GRIN2C: variants seen among roughly 807,000 people sequenced by gnomAD.
GRIN2C encodes the protein glutamate ionotropic receptor NMDA type subunit 2C.
A neutral mutation model predicts 77.7 loss-of-function variants in GRIN2C; 64 were observed. The observed-to-expected ratio is 0.82, with a 90% CI of 0.67 to 1.01. GRIN2C has a LOEUF of 1.01. GRIN2C is among the 50% of genes least tolerant of loss of function. The pLI is 0.00. For missense variants in GRIN2C, 1,549 were observed against 1,486.0 expected (o/e 1.04, Z -0.70); for synonymous variants, 792 against 643.4 (o/e 1.23, Z -3.49).
chr17:74,851,905 G>T, intron 3 of GRIN2C, 108 bp downstream of exon 3: 1 of 837,182 alleles, frequency 1.2e-6, no homozygotes, highest in Non-Finnish European at 1.8e-6. Context: ...TGTGGCCCCA[G>T]GCACGCAGCT....
Position 74,850,403 on chromosome 17 carries a change from G to T in GRIN2C, c.1326-32C>A, listed in dbSNP as rs1268462297. ...CCATGCCGCCATGAGACCACCGGGA[G>T]TCAGAGTATGTCGTGGCCCAGCCCC... On this transcript the variant is annotated intron_variant, in intron 5 of 12. Transcript: ENST00000293190. This position sits in a 1 kb window ranked among gnomAD's most constrained non-coding sequence, Gnocchi z 5.3. The T allele has an allele frequency of 6.2e-7, 1 of 1,602,604 alleles. No homozygotes were observed. The highest frequency in any genetic ancestry group is 8.5e-7 in the Non-Finnish European group (1 of 1,178,358).
Position 74,844,520 on chromosome 17 carries a change from G to A in GRIN2C, c.2351-12C>T. On this transcript the variant is annotated splice_polypyrimidine_tract_variant and intron_variant, in intron 11 of 12. Transcript: ENST00000293190. Reference sequence around the variant, plus strand: ...TTTCTGTGTCTCTCCTGGAGTTGGGGGGTGTACACATCTGGCTCAGGAAAC... The same window carrying A: ...TTTCTGTGTCTCTCCTGGAGTTGGGAGGTGTACACATCTGGCTCAGGAAAC... The A allele has an allele frequency of 1.2e-6, 2 of 1,612,168 alleles. No individual in the cohort carries two copies. The highest frequency in any genetic ancestry group is 1.7e-6 in the Non-Finnish European group (2 of 1,178,410).
upstream of GRIN2C, among the ~76,000 whole-genome samples, chr17:74,861,204 CTCT>C (rs1185098185): frequency 3.9e-5 from 6 of 152,164 alleles, no homozygotes; most frequent in South Asian, 2.1e-4. Flanking sequence ...TCTGCTCGGC[CTCT>C]TCTTCGCCTT....
intron 2 of GRIN2C, chr17:74,853,188 C>G (rs1375333839): frequency 2.0e-5 from 3 of 152,218 alleles, no homozygotes; most frequent in African/African-American, 7.2e-5. Flanking sequence ...CACAAAAACC[C>G]AAGGCACTGC....
chr17:74,846,289 A>G lies in GRIN2C; in HGVS notation c.2163-36T>C, dbSNP rs756028991. Reference sequence around the variant, plus strand: ...GCTGAGCCTCAGAGCTAGGGACCATATGGGAGGGGAGGGGACACCGAAACT... The same window carrying G: ...GCTGAGCCTCAGAGCTAGGGACCATGTGGGAGGGGAGGGGACACCGAAACT... On this transcript the variant is annotated intron_variant, in intron 10 of 12. Transcript: ENST00000293190. The surrounding 1 kb of genome is among the most constrained non-coding windows in gnomAD (Gnocchi z 4.4). The G allele has an allele frequency of 6.3e-7, 1 of 1,589,872 alleles. No individual in the cohort carries two copies. The highest frequency in any genetic ancestry group is 8.6e-7 in the Non-Finnish European group (1 of 1,159,176).
intron 11 of GRIN2C, 92 bp downstream of exon 11, chr17:74,845,974 C>T (rs2037442009): frequency 1.6e-6 from 2 of 1,220,066 alleles, no homozygotes; most frequent in Non-Finnish European, 1.2e-6. Flanking sequence ...TCTCCCTGCT[C>T]ACAGGCCTTG....
In GRIN2C at chr17:74,850,455, C is replaced by G. The variant is rs1024945490; in HGVS notation, c.1326-84G>C. ...CCCCAGCCACTCCTCCAGCCTGGCA[C>G]GTGGACCCCTGCCCCACACCCAAGC... On this transcript the variant is annotated intron_variant, in intron 5 of 12. Transcript: ENST00000293190. This position sits in a 1 kb window ranked among gnomAD's most constrained non-coding sequence, Gnocchi z 5.3. The G allele has an allele frequency of 1.9e-6, 3 of 1,564,916 alleles. No homozygotes were observed. Among genetic ancestry groups the G allele is most frequent in the Admixed American group, 3.3e-5 (2 of 59,806 alleles).
intron 11 of GRIN2C, among the ~76,000 whole-genome samples, chr17:74,845,508 G>A (rs568034113): frequency 6.6e-6 from 1 of 150,726 alleles, no homozygotes; most frequent in Admixed American, 6.6e-5. Flanking sequence ...GACTTCAAGT[G>A]ATCCTCCCAC....
At chr17:74,848,954 G>A (rs936099928) in intron 7 of GRIN2C, among the ~76,000 whole-genome samples, 1 of 151,814 alleles carries the variant, frequency 6.6e-6, no homozygotes, top group Admixed American at 6.6e-5. Flanking sequence ...GAGTTTCCAG[G>A]CTGTAGTGAG....
chr17:74,854,412 A>C (rs1056282567), intron 2 of GRIN2C: 22 of 351,030 alleles, frequency 6.3e-5, no homozygotes, highest in East Asian at 2.5e-4. Flanking sequence ...AGCTGAGGGA[A>C]GCAGAGAGGA....
In GRIN2C at chr17:74,847,494, C is replaced by G. The variant is rs149675994; in HGVS notation, c.1815G>C (p.Leu605=). 2.4e-3 allele frequency: 3,800 copies of G among 1,614,020 alleles called. 13 individuals are homozygous for G. The highest frequency in any genetic ancestry group is 2.8e-3 in the Non-Finnish European group (3,346 of 1,179,984). Residue 605 remains leucine (L), a synonymous_variant, in exon 9 of 13, where the codon CTG becomes CTC. Transcript: ENST00000293190. The surrounding 1 kb of genome is among the most constrained non-coding windows in gnomAD (Gnocchi z 5.2). ...PAFTIGKSVW[L]LWALVFNNSV... ...AGTTGTTGAAGACCAGCGCCCACAG[C>G]AGCCACACGGACTTGCCGATAGTGA...
Position 74,850,900 on chromosome 17 carries a change from C to T in GRIN2C, c.1114-133G>A. 1 of 707,666 alleles carries T rather than the reference C, an allele frequency of 1.4e-6. No homozygotes were observed. The highest frequency in any genetic ancestry group is 2.4e-6 in the Non-Finnish European group (1 of 409,462). The allele number at this position is 707,666 out of a possible 1,614,324, so 43.8% of individuals were successfully genotyped here. On this transcript the variant is annotated intron_variant, in intron 4 of 12. Coordinates refer to ENST00000293190, the MANE Select transcript of GRIN2C (RefSeq NM_000835.6). This position sits in a 1 kb window ranked among gnomAD's most constrained non-coding sequence, Gnocchi z 5.3. ...GGGCAGGTCAGAGTAGGGCTGCTCCCAACAGCCTCCCCCAGCCTCGGGTCC... is the reference window on the plus strand; with the variant it reads ...GGGCAGGTCAGAGTAGGGCTGCTCCTAACAGCCTCCCCCAGCCTCGGGTCC...
At chr17:74,858,980 C>T (rs2037888866) in intron 1 of GRIN2C, among the ~76,000 whole-genome samples, 1 of 152,156 alleles carries the variant, frequency 6.6e-6, no homozygotes, top group Non-Finnish European at 1.5e-5. Context: ...GGACTGCGGC[C>T]AGGCTGGGGC....
chr17:74,847,133 C>T lies in GRIN2C; in HGVS notation c.2001+175G>A. 2 of 719,464 alleles carry T rather than the reference C, an allele frequency of 2.8e-6. No homozygotes were observed. Among genetic ancestry groups the T allele is most frequent in the Non-Finnish European group, 2.3e-6 (1 of 440,390 alleles). 44.6% of individuals were successfully genotyped at this position (719,464 alleles called of 1,614,324 possible). A position where few individuals can be genotyped will look rare whatever the true frequency, so the allele number is the denominator to read the frequency against. ...TTACCCAAGGCCTCTCAGCCGGTGG[C>T]CCTGAGCCATCTCTTGCCCCAGCCC... is the stretch of plus-strand genomic sequence containing the variant. On this transcript the variant is annotated intron_variant, in intron 9 of 12. Transcript: ENST00000293190. This position sits in a 1 kb window ranked among gnomAD's most constrained non-coding sequence, Gnocchi z 5.2.
rs372329879 is a variant in GRIN2C, at chr17:74,844,423, G to A, written c.2436C>T (p.Ile812=). 2.6e-5 allele frequency: 42 copies of A among 1,614,072 alleles called. No individual in the cohort carries two copies. The Middle Eastern group carries it at 1.3e-3, about 51-fold the overall frequency. The change falls in exon 12 of 13, where the codon ATC becomes ATT. Residue 812 remains isoleucine (I), a synonymous_variant. Transcript: ENST00000293190. ...KNEVMSSKLD[I]DNMAGVFYML... is the part of the protein sequence containing the mutation. ...TGTAGAAGACGCCTGCCATGTTGTC[G>A]ATGTCCAGCTTGCTGCTCATCACCT...
At chr17:74,860,033 C>A (rs867523959), upstream of GRIN2C, among the ~76,000 whole-genome samples, 6 of 152,082 alleles carry the variant, frequency 3.9e-5, 1 homozygote, top group Middle Eastern at 0.014. Flanking sequence ...CCCACTCCCC[C>A]AAGCTGGGTC....
chr17:74,851,334 A>C, intron 4 of GRIN2C: 46 of 461,078 alleles, frequency 1.0e-4, no homozygotes, highest in East Asian at 1.4e-4. Flanking sequence ...AGGAGATAGG[A>C]GCGCTTGAAA....
chr17:74,844,530 A>T (rs1400757020), intron 11 of GRIN2C, 22 bp from the exon 12 acceptor site: 1 of 1,606,452 alleles, frequency 6.2e-7, no homozygotes, highest in Non-Finnish European at 8.5e-7. Context: ...GGGTGTACAC[A>T]TCTGGCTCAG....
intron 12 of GRIN2C, 80 bp from the exon 13 acceptor site, chr17:74,843,633 A>T: frequency 3.4e-6 from 5 of 1,486,688 alleles, no homozygotes; most frequent in Non-Finnish European, 4.5e-6. Context: ...CCTGGTCCCA[A>T]GGCATCATCA....
Sources: gnomAD v4.1 joint callset for allele counts (sites outside exome capture counted in the v4.1 genomes callset) on GRCh38, gnomAD v4.1.1 for gene constraint, Gnocchi (gnomAD v3.1) non-coding constraint, MANE v1.5 for transcripts, NCBI Gene and HGNC (gene_info 2026-07-23, HGNC 2026-07-21) for gene names.